The following DNER variants were observed in gnomAD, a reference collection of about 807,000 sequenced individuals.
DNER encodes the protein delta/notch like EGF repeat containing.
In DNER, 33 loss-of-function variants were observed where a neutral mutation model predicts 78.2. That is an observed-to-expected ratio of 0.42 (90% CI 0.32 to 0.56). DNER has a LOEUF of 0.56. Ranked by LOEUF, DNER falls within the 20% of genes least tolerant of loss-of-function variation. DNER has a pLI of 0.11. For synonymous variants in DNER, 417 were observed against 384.8 expected, an observed-to-expected ratio of 1.08 and a Z score of -0.98; for missense variants, 918 against 975.3, an observed-to-expected ratio of 0.94 and a Z score of 0.78.
Position 229,591,818 on chromosome 2 carries a change from C to T in DNER, c.347G>A (p.Ser116Asn), listed in dbSNP as rs1212412159. ...ATTGCAAATGCAGAGGTAGCCATCGCTGCTGCTGCTGCTGCTGCTGCTGCA... is the reference window on the plus strand; with the variant it reads ...ATTGCAAATGCAGAGGTAGCCATCGTTGCTGCTGCTGCTGCTGCTGCTGCA... Reference protein sequence around the residue: ...GNCSSSSSSSSDGYLCICNEG... With the variant: ...GNCSSSSSSSNDGYLCICNEG... Residue 116 changes from serine (S) to asparagine (N), a missense_variant, in exon 2 of 13, where the codon AGC becomes AAC. Physicochemically the swap from Ser to Asn is conservative, Grantham distance 46. Coordinates refer to ENST00000341772, the MANE Select transcript of DNER (RefSeq NM_139072.4). The surrounding 1 kb of genome is among the most constrained non-coding windows in gnomAD (Gnocchi z 4.6). 1 of 1,450,284 alleles carries T rather than the reference C, an allele frequency of 6.9e-7. No individual in the cohort carries two copies. 89.8% of individuals were successfully genotyped at this position (1,450,284 alleles called of 1,614,324 possible).
chr2:229,651,080 G>A (rs543723692), intron 1 of DNER, among the ~76,000 whole-genome samples: 4 of 152,246 alleles, frequency 2.6e-5, no homozygotes, highest in South Asian at 2.1e-4. Context: ...GCTCTAATTC[G>A]AGTTGAGTCA....
intron 1 of DNER, among the ~76,000 whole-genome samples, chr2:229,630,479 A>AAATAATAATAATAAT (rs200043673): frequency 4.5e-4 from 62 of 139,054 alleles, no homozygotes; most frequent in Middle Eastern, 3.6e-3. Flanking sequence ...CTCCATCTCA[A>AAATAATAATAATAAT]AATAATAATA....
At chr2:229,689,744 A>G (rs927823531) in intron 1 of DNER, among the ~76,000 whole-genome samples, 2 of 152,182 alleles carry the variant, frequency 1.3e-5, no homozygotes, top group African/African-American at 4.8e-5. Context: ...CATTATGATA[A>G]TCATAGTCTT....
intron 10 of DNER, among the ~76,000 whole-genome samples, chr2:229,394,318 G>C (rs566110722): frequency 6.6e-6 from 1 of 151,782 alleles, no homozygotes; most frequent in Non-Finnish European, 1.5e-5. Context: ...GGTCCGAAGG[G>C]TAATGGTGTG....
chr2:229,702,294 G>A (rs1699759612), intron 1 of DNER: 1 of 152,978 alleles, frequency 6.5e-6, no homozygotes, highest in South Asian at 2.0e-4. Flanking sequence ...CAGCACTTTG[G>A]GAGGTCAAGG....
chr2:229,367,787 A>G (rs774005635), intron 11 of DNER, among the ~76,000 whole-genome samples: 1 of 152,240 alleles, frequency 6.6e-6, no homozygotes, highest in Non-Finnish European at 1.5e-5. Flanking sequence ...AATAAGGACT[A>G]CAAGTTGATA....
intron 1 of DNER, among the ~76,000 whole-genome samples, chr2:229,619,545 G>A (rs1175481712): frequency 6.6e-6 from 1 of 152,092 alleles, no homozygotes; most frequent in East Asian, 1.9e-4. Flanking sequence ...AATGTCCTAG[G>A]GCTTCTGTTC....
chr2:229,694,462 T>C (rs1041232521), intron 1 of DNER, among the ~76,000 whole-genome samples: 4 of 4,242 alleles, frequency 9.4e-4, no homozygotes, highest in African/African-American at 2.0e-3. Flanking sequence ...ACTCAATGAC[T>C]TCCGCCTGTG....
At chr2:229,426,170 G>C (rs1024328664) in intron 8 of DNER, among the ~76,000 whole-genome samples, 1 of 152,000 alleles carries the variant, frequency 6.6e-6, no homozygotes, top group East Asian at 1.9e-4. Flanking sequence ...GGCCGGGCGC[G>C]GTGGTTCACA....
chr2:229,690,616 A>T (rs543732775), intron 1 of DNER, among the ~76,000 whole-genome samples: 1 of 152,302 alleles, frequency 6.6e-6, no homozygotes, highest in Non-Finnish European at 1.5e-5. Flanking sequence ...CACTCAACAA[A>T]CACTAATATT....
chr2:229,507,265 C>A (rs866292459), intron 6 of DNER, among the ~76,000 whole-genome samples: 7 of 152,214 alleles, frequency 4.6e-5, no homozygotes, highest in Admixed American at 3.9e-4. Context: ...CGGTCCATCA[C>A]TGACTGTCAG....
chr2:229,431,106 T>C (rs764956177), intron 8 of DNER, among the ~76,000 whole-genome samples: 11 of 152,182 alleles, frequency 7.2e-5, no homozygotes, highest in Non-Finnish European at 1.3e-4. Context: ...CTTCTGTAGA[T>C]GTACTGAGTG....
At chr2:229,465,443 A>G (rs1183931737) in intron 7 of DNER, among the ~76,000 whole-genome samples, 1 of 152,090 alleles carries the variant, frequency 6.6e-6, no homozygotes. Context: ...GAGGGAGGGA[A>G]AGCATCAGGA....
At chr2:229,382,352 C>T (rs1319252402) in intron 11 of DNER, among the ~76,000 whole-genome samples, 1 of 152,140 alleles carries the variant, frequency 6.6e-6, no homozygotes, top group Non-Finnish European at 1.5e-5. Context: ...ACCAGAATGC[C>T]TCTTCTCCTC....
intron 5 of DNER, among the ~76,000 whole-genome samples, chr2:229,542,014 A>G (rs1419696660): frequency 1.4e-5 from 2 of 148,134 alleles, no homozygotes; most frequent in African/African-American, 2.5e-5. Context: ...AATATATATA[A>G]TCGCCATCCA....
At chr2:229,645,028 T>C (rs571523866) in intron 1 of DNER, among the ~76,000 whole-genome samples, 3 of 151,118 alleles carry the variant, frequency 2.0e-5, no homozygotes, top group Non-Finnish European at 4.4e-5. Flanking sequence ...AAAAAAAAAA[T>C]TTAAGAGACA....
In DNER at chr2:229,460,123, C is replaced by T. The variant is rs1338284173; in HGVS notation, c.1262-12583G>A. Among the ~76,000 whole-genome samples, 5 of 134,368 alleles carry T rather than the reference C, an allele frequency of 3.7e-5. No homozygotes were observed. The South Asian group carries it at 9.4e-4, about 25-fold the overall frequency. The allele number at this position is 134,368 out of a possible 152,430, so 88.2% of individuals were successfully genotyped here. A position where few individuals can be genotyped will look rare whatever the true frequency, so the allele number is the denominator to read the frequency against. ...AGTGAGCAGAGATCGCGCCACTACA[C>T]TCCAGCCTGGGTGACAGAGTGAGAC... On this transcript the variant is annotated intron_variant, in intron 7 of 12. Coordinates refer to ENST00000341772, the MANE Select transcript of DNER (RefSeq NM_139072.4).
intron 10 of DNER, among the ~76,000 whole-genome samples, chr2:229,405,281 C>A (rs945244525): frequency 9.2e-5 from 14 of 152,152 alleles, no homozygotes; most frequent in South Asian, 4.1e-4. Flanking sequence ...GAAATAAATG[C>A]TCCTGTGCAC....
At chr2:229,415,487 T>C (rs1693628726) in intron 9 of DNER, among the ~76,000 whole-genome samples, 1 of 152,186 alleles carries the variant, frequency 6.6e-6, no homozygotes, top group Non-Finnish European at 1.5e-5. Context: ...TATGCAGCAA[T>C]AGATAGCTGA....
Sources: allele counts gnomAD v4.1 joint callset (sites outside exome capture counted in the v4.1 genomes callset), GRCh38; gene constraint gnomAD v4.1.1; non-coding constraint Gnocchi (gnomAD v3.1); transcripts MANE v1.5; gene names NCBI Gene and HGNC (gene_info 2026-07-23, HGNC 2026-07-21).